Variants in SLC38A9 observed in about 807,000 individuals in gnomAD.
SLC38A9 encodes the protein neutral amino acid transporter 9.
In SLC38A9, 48 loss-of-function variants were observed where a neutral mutation model predicts 62.3. The observed-to-expected ratio is 0.77, with a 90% CI of 0.61 to 0.98. The LOEUF is 0.98. Ranked by LOEUF, SLC38A9 falls within the 50% of genes least tolerant of loss-of-function variation. The pLI, the probability that SLC38A9 is intolerant of heterozygous loss-of-function variation, is 0.00. For missense variants in SLC38A9, 541 were observed against 679.8 expected (o/e 0.80, Z 2.27); for synonymous variants, 204 against 227.7 (o/e 0.90, Z 0.94).
In SLC38A9 at chr5:55,651,410, C is replaced by T. The variant is rs564836276; in HGVS notation, c.952+1119G>A. 2.2e-4 allele frequency among the ~76,000 whole-genome samples: 34 copies of T among 151,866 alleles called. No homozygotes were observed. In the Middle Eastern group the frequency reaches 0.01, roughly 46 times the overall value. On this transcript the variant is annotated intron_variant, in intron 10 of 15. Transcript: ENST00000396865. ...GATTACAGGCACCAGCCACCACGCC[C>T]GGCTAATTTTTCTATTTTTAGTAGA...
intron 13 of SLC38A9, chr5:55,635,222 C>T: frequency 3.2e-6 from 1 of 314,748 alleles, no homozygotes; most frequent in Non-Finnish European, 6.1e-6. Context: ...CTACTTGTAC[C>T]AGTTCCCCAC....
In SLC38A9 at chr5:55,697,559, G is replaced by A. The variant is rs1017302418; in HGVS notation, c.113+287C>T. Among the ~76,000 whole-genome samples the A allele has an allele frequency of 5.3e-5, 8 of 150,258 alleles. No homozygotes were observed. The South Asian group carries it at 1.7e-3, about 31-fold the overall frequency. On this transcript the variant is annotated intron_variant, in intron 3 of 15. Coordinates refer to ENST00000396865, the MANE Select transcript of SLC38A9 (RefSeq NM_173514.4). ...TAGCATATTACCTTGCGCAAAGTGG[G>A]TAATCAATACATATTTGTTAAATGA...
At chr5:55,683,294 T>G (rs180813469) in intron 3 of SLC38A9, among the ~76,000 whole-genome samples, 2 of 152,238 alleles carry the variant, frequency 1.3e-5, no homozygotes, top group East Asian at 3.9e-4. Flanking sequence ...ACGATCATAG[T>G]GCACTGTGGA....
chr5:55,635,295 T>C, intron 13 of SLC38A9: 1 of 526,222 alleles, frequency 1.9e-6, no homozygotes, highest in East Asian at 3.4e-5. Context: ...GTGCCTGGCA[T>C]GTAGTACATT....
chr5:55,650,563 G>A (rs1262422650), intron 10 of SLC38A9, among the ~76,000 whole-genome samples: 1 of 152,164 alleles, frequency 6.6e-6, no homozygotes, highest in Admixed American at 6.5e-5. Context: ...AACCACGAAT[G>A]AGCGATATAA....
chr5:55,711,958 T>C lies in SLC38A9; in HGVS notation c.-83+259A>G, dbSNP rs181489261. 4.2e-3 allele frequency among the ~76,000 whole-genome samples: 647 copies of C among 152,324 alleles called. 3 individuals carry two copies. The highest frequency in any genetic ancestry group is 0.015 in the African/African-American group (610 of 41,572). The stretch of plus-strand genomic sequence containing the variant: ...ACCGACTCCCATAGACACTCGGATT[T>C]CCTCAGACCCCGAGGGACTCCTGAC... On this transcript the variant is annotated intron_variant, in intron 1 of 15. Transcript: ENST00000396865.
chr5:55,665,444 G>A (rs927849795), intron 7 of SLC38A9, among the ~76,000 whole-genome samples: 14 of 151,672 alleles, frequency 9.2e-5, no homozygotes, highest in African/African-American at 3.4e-4. Context: ...CTACTCTGGA[G>A]GCTGAGGCAT....
Position 55,664,793 on chromosome 5 carries a change from C to T in SLC38A9, c.597G>A (p.Trp199Ter). The T allele has an allele frequency of 1.3e-6, 2 of 1,596,704 alleles. No individual in the cohort carries two copies. The highest frequency in any genetic ancestry group is 1.1e-5 in the South Asian group (1 of 87,574). Residue 199 changes from tryptophan to a stop codon, truncating the protein, a stop_gained, in exon 8 of 16, where the codon TGG (tryptophan) becomes TGA (stop). Transcript: ENST00000396865. LOFTEE classifies it high-confidence loss of function. ...CRHYFGSFGQWSSLLFSLVSL... is the reference protein window; with the variant it reads ...CRHYFGSFGQ ...ACACCAAGGAGAAAAGGAGACTCGA[C>T]CACTGCCCAAAGGAGCCGAAATAAT...
At position 55,633,806 on chromosome 5, in the gene SLC38A9, A is replaced by G. The variant is rs1242211120; in HGVS notation, c.1378T>C (p.Tyr460His). Residue 460 changes from tyrosine to histidine, a missense_variant, in exon 14 of 16, where the codon TAC becomes CAC. Tyr to His is a moderately conservative substitution (Grantham distance 83). Coordinates refer to ENST00000396865, the MANE Select transcript of SLC38A9 (RefSeq NM_173514.4). ...QMMTVYPLLG[Y>H]LARVQLLGHI... ...CCCAAAAGCTGGACACGAGCCAGGTAGCCTAAGAGTGGGTATACAGTCATC... is the reference window on the plus strand; with the variant it reads ...CCCAAAAGCTGGACACGAGCCAGGTGGCCTAAGAGTGGGTATACAGTCATC... 2.5e-6 allele frequency: 4 copies of G among 1,614,230 alleles called. No individual in the cohort carries two copies. Among genetic ancestry groups the G allele is most frequent in the Non-Finnish European group, 3.4e-6 (4 of 1,180,030 alleles).
intron 12 of SLC38A9, among the ~76,000 whole-genome samples, chr5:55,639,734 T>A (rs73123896): frequency 0.049 from 7,445 of 152,214 alleles, 313 homozygotes; most frequent in African/African-American, 0.11. Context: ...CCATTTAGGT[T>A]GATTTTTGCT....
intron 12 of SLC38A9, among the ~76,000 whole-genome samples, chr5:55,639,333 G>A (rs1403529642): frequency 6.7e-6 from 1 of 148,864 alleles, no homozygotes; most frequent in Non-Finnish European, 1.5e-5. Context: ...ATAACAAACT[G>A]CATTTCGTGG....
chr5:55,656,773 A>G lies in SLC38A9; in HGVS notation c.699T>C (p.Asn233=). 1 of 1,530,554 alleles carries G rather than the reference A, an allele frequency of 6.5e-7. No individual in the cohort carries two copies. The highest frequency in any genetic ancestry group is 1.4e-5 in the African/African-American group (1 of 72,618). The allele number at this position is 1,530,554 out of a possible 1,614,324, so 94.8% of individuals were successfully genotyped here. A position where few individuals can be genotyped will look rare whatever the true frequency, so the allele number is the denominator to read the frequency against. The change falls in exon 9 of 16, where the codon AAT becomes AAC. Residue 233 remains asparagine, a splice_region_variant and synonymous_variant. Transcript: ENST00000396865. The part of the protein sequence containing the change: ...FLFNTGKFIF[N]FIHHINDTDT... ...CTGTGTCATTAATGTGATGAATAAAATCTAAAAATAAAGGAAAAAATATAG... is the reference window on the plus strand; with the variant it reads ...CTGTGTCATTAATGTGATGAATAAAGTCTAAAAATAAAGGAAAAAATATAG...
intron 12 of SLC38A9, among the ~76,000 whole-genome samples, chr5:55,643,991 T>G (rs1443966043): frequency 6.6e-6 from 1 of 152,174 alleles, no homozygotes; most frequent in Non-Finnish European, 1.5e-5. Flanking sequence ...GATGGAGTGT[T>G]GCTCTGTTGC....
Position 55,677,926 on chromosome 5 carries a change from T to G in SLC38A9, c.114-5231A>C, listed in dbSNP as rs199811491. On this transcript the variant is annotated intron_variant, in intron 3 of 15. Transcript: ENST00000396865. Reference sequence around the variant, plus strand: ...TAAATCAATACTTTTTTTTTCTTTATTGTGTGTGTGTGTGTGTGTGTGTGT... The same window carrying G: ...TAAATCAATACTTTTTTTTTCTTTAGTGTGTGTGTGTGTGTGTGTGTGTGT... 3.5e-3 allele frequency among the ~76,000 whole-genome samples: 394 copies of G among 112,138 alleles called. 20 individuals carry two copies. Among genetic ancestry groups the G allele is most frequent in the Middle Eastern group, 9.2e-3 (2 of 218 alleles). 73.6% of individuals were successfully genotyped at this position (112,138 alleles called of 152,430 possible). A position where few individuals can be genotyped will look rare whatever the true frequency, so the allele number is the denominator to read the frequency against.
At chr5:55,636,302 T>C (rs1056393895) in intron 12 of SLC38A9, among the ~76,000 whole-genome samples, 5 of 152,234 alleles carry the variant, frequency 3.3e-5, no homozygotes, top group Admixed American at 2.6e-4. Flanking sequence ...GAACATTAAA[T>C]AAAGCGGACT....
rs780637971 is a variant in SLC38A9, at chr5:55,635,559, T to C, written c.1266A>G (p.Lys422=). The change falls in exon 13 of 16, where the codon AAA becomes AAG. Residue 422 remains lysine, a synonymous_variant. Coordinates refer to ENST00000396865, the MANE Select transcript of SLC38A9 (RefSeq NM_173514.4). ...GGTGCCTTACCTGCTCAATACAATCTTTGGATAATGGTGGTGAAGGAAATG... is the reference window on the plus strand; with the variant it reads ...GGTGCCTTACCTGCTCAATACAATCCTTGGATAATGGTGGTGAAGGAAATG... ...FASFPSPPLS[K]DCIEQNFLDN... 1.9e-6 allele frequency: 3 copies of C among 1,612,506 alleles called. No homozygotes were observed. The highest frequency in any genetic ancestry group is 2.5e-6 in the Non-Finnish European group (3 of 1,178,678).
At position 55,657,676 on chromosome 5, in the gene SLC38A9, C is replaced by T. The variant is rs867913563; in HGVS notation, c.698-902G>A. Among the ~76,000 whole-genome samples, 21 of 152,210 alleles carry T rather than the reference C, an allele frequency of 1.4e-4. No individual in the cohort carries two copies. In the South Asian group the frequency reaches 2.7e-3, roughly 20 times the overall value. On this transcript the variant is annotated intron_variant, in intron 8 of 15. Transcript: ENST00000396865. ...AACAGGCAGAGAATGTGTTTACTTG[C>T]CTCAGGGGGTTTACTTTATTCTGTT...
At chr5:55,651,194 C>T (rs1747361116) in intron 10 of SLC38A9, among the ~76,000 whole-genome samples, 2 of 147,738 alleles carry the variant, frequency 1.4e-5, no homozygotes, top group South Asian at 2.2e-4. Flanking sequence ...GAATGATATC[C>T]TTGTCCTTGG....
intron 3 of SLC38A9, among the ~76,000 whole-genome samples, chr5:55,674,286 C>T (rs1487041779): frequency 6.6e-6 from 1 of 152,118 alleles, no homozygotes; most frequent in Non-Finnish European, 1.5e-5. Flanking sequence ...ATCAATATGA[C>T]ATATTATATA....
Sources: gnomAD v4.1 joint callset for allele counts (sites outside exome capture counted in the v4.1 genomes callset) on GRCh38, gnomAD v4.1.1 for gene constraint, MANE v1.5 for transcripts, NCBI Gene and HGNC (gene_info 2026-07-23, HGNC 2026-07-21) for gene names.